CALCOCO1: variants seen among roughly 807,000 people sequenced by gnomAD.
CALCOCO1 encodes calcium-binding and coiled-coil domain-containing protein 1.
CALCOCO1 carries 44 observed loss-of-function variants against 86.3 expected under a neutral mutation model. The observed-to-expected ratio is 0.51, with a 90% CI of 0.40 to 0.66. CALCOCO1 has a LOEUF of 0.66. CALCOCO1 is among the 30% of genes least tolerant of loss of function. The probability of loss-of-function intolerance (pLI) is 0.00; values close to 1 mark genes in which losing one functional copy is unlikely to be tolerated. For synonymous variants in CALCOCO1, 297 were observed against 327.6 expected (o/e 0.91, Z 1.01); for missense variants, 708 against 851.1 (o/e 0.83, Z 2.09).
At chr12:53,723,944 A>C in intron 3 of CALCOCO1, 161 bp from the exon 4 acceptor site, 1 of 625,404 alleles carries the variant, frequency 1.6e-6, no homozygotes, top group South Asian at 2.0e-5. Flanking sequence ...TTCTTTCCCA[A>C]ACCCACTGCC....
Position 53,722,162 on chromosome 12 carries a change from GC to G in CALCOCO1, c.471del (p.Gln157HisfsTer7). On this transcript the variant is annotated frameshift_variant, in exon 5 of 15. Transcript: ENST00000550804. LOFTEE classifies it high-confidence loss of function. ...AGCTGCATCAGGTCATTCCGTTCTT[GC>G]TGGCTCTCATCGAGCTGGTTCTACA... ...TVLQNQLDESQQERNDLMQLK... is the reference protein window; with the variant it reads ...TVLQNQLDESXQERNDLMQLK... 1 of 1,613,486 alleles carries G rather than the reference GC, an allele frequency of 6.2e-7. No homozygotes were observed. Among genetic ancestry groups the G allele is most frequent in the Non-Finnish European group, 8.5e-7 (1 of 1,180,046 alleles).
At position 53,721,629 on chromosome 12, in the gene CALCOCO1, TC is replaced by T. The variant is rs1399060888; in HGVS notation, c.610-15del. The T allele has an allele frequency of 3.1e-6, 5 of 1,613,694 alleles. No homozygotes were observed. The highest frequency in any genetic ancestry group is 4.2e-6 in the Non-Finnish European group (5 of 1,179,900). ...CCGGGAAATCCCCTGAAATTAAGTT[TC>T]CCCCAGAAGAAAAGGGAGGTTGGGA... On this transcript the variant is annotated splice_polypyrimidine_tract_variant and intron_variant, in intron 5 of 14. Coordinates refer to ENST00000550804, the MANE Select transcript of CALCOCO1 (RefSeq NM_020898.3).
intron 14 of CALCOCO1, chr12:53,712,795 A>G (rs1324294623): frequency 2.2e-6 from 3 of 1,369,290 alleles, no homozygotes; most frequent in African/African-American, 2.9e-5. Context: ...GGGAAGGGGT[A>G]GAGGCAGGAG....
rs79626448 is a variant in CALCOCO1, at chr12:53,710,660, T to C, written c.*1284A>G. 6.6e-6 allele frequency: 1 copy of C among 152,234 alleles called. No individual in the cohort carries two copies. Among genetic ancestry groups the C allele is most frequent in the Non-Finnish European group, 1.5e-5 (1 of 68,114 alleles). The allele number at this position is 152,234 out of a possible 1,614,324, so 9.4% of individuals were successfully genotyped here. ...AACAGAAACAGAAACAGGAGGAATA[T>C]AAAATCGCCTTTAGAGGTATGAGGC... On this transcript the variant is annotated 3_prime_UTR_variant, in exon 15 of 15. Transcript: ENST00000550804.
rs754014669 is a variant in CALCOCO1, at chr12:53,709,205, A to G, written c.*2739T>C. On this transcript the variant is annotated 3_prime_UTR_variant, in exon 15 of 15. Coordinates refer to ENST00000550804, the MANE Select transcript of CALCOCO1 (RefSeq NM_020898.3). ...GGAGCAGGGAGGAAAGGGATGATCCATTATAGAAGAGAAATAAGTAGAAAG... is the reference window on the plus strand; with the variant it reads ...GGAGCAGGGAGGAAAGGGATGATCCGTTATAGAAGAGAAATAAGTAGAAAG... The G allele has an allele frequency of 6.6e-5, 10 of 152,266 alleles. No homozygotes were observed. Among genetic ancestry groups the G allele is most frequent in the Non-Finnish European group, 1.2e-4 (8 of 68,070 alleles). 9.4% of individuals were successfully genotyped at this position (152,266 alleles called of 1,614,324 possible).
chr12:53,712,322 T>C, intron 14 of CALCOCO1: 2 of 561,978 alleles, frequency 3.6e-6, no homozygotes, highest in Non-Finnish European at 6.3e-6. Context: ...CCTCTCTTCT[T>C]TAGTCCCTGC....
rs1408894201 is a variant in CALCOCO1, at chr12:53,712,047, A to T, written c.1973T>A (p.Ile658Asn). 3.1e-6 allele frequency: 5 copies of T among 1,612,740 alleles called. No individual in the cohort carries two copies. The highest frequency in any genetic ancestry group is 3.4e-6 in the Non-Finnish European group (4 of 1,179,400). ...PATPTWKECP[I>N]CKERFPAESD... Reference sequence around the variant, plus strand: ...CTCAGCAGGAAAGCGCTCCTTACAGATAGGACACTCCTTCCATGTGGGGGT... The same window carrying T: ...CTCAGCAGGAAAGCGCTCCTTACAGTTAGGACACTCCTTCCATGTGGGGGT... Residue 658 changes from isoleucine to asparagine, a missense_variant, in exon 15 of 15, where the codon ATC becomes AAC. Ile to Asn is a moderately radical substitution (Grantham distance 149, BLOSUM62 -3). Transcript: ENST00000550804.
At chr12:53,727,198 G>T (rs975949741) in intron 1 of CALCOCO1, among the ~76,000 whole-genome samples, 1 of 152,104 alleles carries the variant, frequency 6.6e-6, no homozygotes. Context: ...ACGACGAGGG[G>T]GCGCCCCCCA....
Position 53,724,654 on chromosome 12 carries a change from G to A in CALCOCO1, c.250C>T (p.Gln84Ter). The A allele has an allele frequency of 1.9e-6, 3 of 1,613,346 alleles. No homozygotes were observed. Among genetic ancestry groups the A allele is most frequent in the Non-Finnish European group, 2.5e-6 (3 of 1,179,400 alleles). ...CCATCTTCCCTTGTACCTTGGAACT[G>A]GACACTGGTGTGAATGGGGGAACCA... ...TDGSPIHTSVQFQASYLPKPG... is the reference protein window; with the variant it reads ...TDGSPIHTSV Residue 84 changes from glutamine to a stop codon, truncating the protein, a stop_gained, in exon 3 of 15, where the codon CAG becomes TAG. Transcript: ENST00000550804. LOFTEE classifies it high-confidence loss of function.
chr12:53,721,793 C>T, intron 5 of CALCOCO1, 178 bp from the exon 6 acceptor site: 1 of 831,528 alleles, frequency 1.2e-6, no homozygotes, highest in Non-Finnish European at 1.9e-6. Context: ...TGGCCACCTC[C>T]ACCTTACCCC....
intron 13 of CALCOCO1, among the ~76,000 whole-genome samples, chr12:53,713,468 C>A (rs1482650094): frequency 6.6e-6 from 1 of 152,154 alleles, no homozygotes; most frequent in African/African-American, 2.4e-5. Context: ...CTGGGCCTGC[C>A]TCCTCTCCCC....
intron 6 of CALCOCO1, among the ~76,000 whole-genome samples, chr12:53,720,624 C>T (rs748702339): frequency 6.6e-6 from 1 of 152,190 alleles, no homozygotes; most frequent in Non-Finnish European, 1.5e-5. Flanking sequence ...GCCTCTCAGA[C>T]GAACTCACTT....
At chr12:53,722,583 T>A (rs1945905134) in intron 4 of CALCOCO1, among the ~76,000 whole-genome samples, 1 of 152,154 alleles carries the variant, frequency 6.6e-6, no homozygotes, top group African/African-American at 2.4e-5. Flanking sequence ...TGATTTTTTT[T>A]AAAGATAGGG....
In CALCOCO1 at chr12:53,709,213, A is replaced by G. The variant is rs1945508062; in HGVS notation, c.*2731T>C. The stretch of plus-strand genomic sequence containing the variant: ...GAGGAAAGGGATGATCCATTATAGA[A>G]GAGAAATAAGTAGAAAGGCTGAGTT... On this transcript the variant is annotated 3_prime_UTR_variant, in exon 15 of 15. Transcript: ENST00000550804. 1 of 152,260 alleles carries G rather than the reference A, an allele frequency of 6.6e-6. No individual in the cohort carries two copies. The highest frequency in any genetic ancestry group is 2.1e-4 in the South Asian group (1 of 4,832). The allele number at this position is 152,260 out of a possible 1,614,324, so 9.4% of individuals were successfully genotyped here.
At chr12:53,721,905 T>C in intron 5 of CALCOCO1, 120 bp downstream of exon 5, 14 of 1,193,366 alleles carry the variant, frequency 1.2e-5, no homozygotes, top group South Asian at 7.7e-5. Flanking sequence ...ACCTATTTCC[T>C]TGATGCCAGA....
At chr12:53,713,397 G>A (rs971109795) in intron 13 of CALCOCO1, among the ~76,000 whole-genome samples, 191 bp from the exon 14 acceptor site, 1 of 152,206 alleles carries the variant, frequency 6.6e-6, no homozygotes, top group Admixed American at 6.5e-5. Flanking sequence ...GAGAAGCAGT[G>A]AGGCTATTGG....
chr12:53,725,018 C>G, intron 2 of CALCOCO1, 69 bp downstream of exon 2: 1 of 1,458,018 alleles, frequency 6.9e-7, no homozygotes, highest in Non-Finnish European at 9.2e-7. Flanking sequence ...ATCCAAGAGC[C>G]CAATCATTCC....
Position 53,710,637 on chromosome 12 carries a change from C to G in CALCOCO1, c.*1307G>C, listed in dbSNP as rs1945527731. The G allele has an allele frequency of 6.6e-6, 1 of 152,178 alleles. No homozygotes were observed. Among genetic ancestry groups the G allele is most frequent in the African/African-American group, 2.4e-5 (1 of 41,372 alleles). The allele number at this position is 152,178 out of a possible 1,614,324, so 9.4% of individuals were successfully genotyped here. A position where few individuals can be genotyped will look rare whatever the true frequency, so the allele number is the denominator to read the frequency against. On this transcript the variant is annotated 3_prime_UTR_variant, in exon 15 of 15. Transcript: ENST00000550804. ...GAGGGGATGGCAACAGAGAAAGAAA[C>G]AGAAACAGAAACAGGAGGAATATAA...
chr12:53,714,255 G>A lies in CALCOCO1; in HGVS notation c.1483-14C>T. The A allele has an allele frequency of 6.3e-7, 1 of 1,597,362 alleles. No homozygotes were observed. The highest frequency in any genetic ancestry group is 2.2e-5 in the East Asian group (1 of 44,756). On this transcript the variant is annotated splice_polypyrimidine_tract_variant and intron_variant, in intron 11 of 14. Coordinates refer to ENST00000550804, the MANE Select transcript of CALCOCO1 (RefSeq NM_020898.3). ...CTCTAGCAATTCCTGGAATTGGGAA[G>A]GAAAAAGGCAGGTGCTAGAGAATGG...
Sources: allele counts gnomAD v4.1 joint callset (sites outside exome capture counted in the v4.1 genomes callset), GRCh38; gene constraint gnomAD v4.1.1; transcripts MANE v1.5; gene names NCBI Gene and HGNC (gene_info 2026-07-23, HGNC 2026-07-21).